NTRK2: variants seen among roughly 807,000 people sequenced by gnomAD.
The protein encoded by NTRK2 is neurotrophic receptor tyrosine kinase 2.
NTRK2 carries 13 observed loss-of-function variants against 94.5 expected under a neutral mutation model. That is an observed-to-expected ratio of 0.14 (90% CI 0.09 to 0.22). The LOEUF is 0.22. Among genes scored for constraint, NTRK2 ranks in the 10% least tolerant of loss-of-function variants. The pLI, the probability that NTRK2 is intolerant of heterozygous loss-of-function variation, is 1.00. For synonymous variants in NTRK2, 372 were observed against 407.4 expected (o/e 0.91, Z 1.05); for missense variants, 639 against 1,071.2 (o/e 0.60, Z 5.63).
chr9:84,916,644 CTT>C (rs2077401984), intron 14 of NTRK2, among the ~76,000 whole-genome samples: 1 of 152,190 alleles, frequency 6.6e-6, no homozygotes, highest in Admixed American at 6.5e-5. Context: ...CTGCTTATTT[CTT>C]GCCTTCCTTA....
intron 12 of NTRK2, among the ~76,000 whole-genome samples, chr9:84,801,052 T>G (rs550179967): frequency 1.3e-5 from 2 of 152,356 alleles, no homozygotes; most frequent in Admixed American, 1.3e-4. Flanking sequence ...GCTGCTGAGC[T>G]ACTGCAGGCA....
At chr9:84,978,333 A>C (rs1007920451) in intron 17 of NTRK2, among the ~76,000 whole-genome samples, 3 of 152,244 alleles carry the variant, frequency 2.0e-5, no homozygotes, top group Non-Finnish European at 4.4e-5. Context: ...AAAGCAAAAC[A>C]GCCTTCTTGC....
At chr9:84,679,421 C>A (rs1292730257) in intron 2 of NTRK2, among the ~76,000 whole-genome samples, 1 of 152,094 alleles carries the variant, frequency 6.6e-6, no homozygotes, top group Non-Finnish European at 1.5e-5. Context: ...TGTGGGCAGA[C>A]CATCATTGTT....
chr9:84,939,620 G>A (rs1481344150), intron 15 of NTRK2, among the ~76,000 whole-genome samples: 1 of 152,136 alleles, frequency 6.6e-6, no homozygotes, highest in Non-Finnish European at 1.5e-5. Flanking sequence ...GGATTCCTGA[G>A]GGAGTGTTTA....
intron 14 of NTRK2, among the ~76,000 whole-genome samples, chr9:84,924,291 GAAA>G (rs1282568538): frequency 2.8e-5 from 4 of 145,402 alleles, no homozygotes; most frequent in Non-Finnish European, 4.6e-5. Context: ...AAGAAAGAAA[GAAA>G]GAGGAAAAAA....
At chr9:84,825,229 A>T (rs1189686344) in intron 12 of NTRK2, among the ~76,000 whole-genome samples, 1 of 151,930 alleles carries the variant, frequency 6.6e-6, no homozygotes, top group East Asian at 1.9e-4. Context: ...GGCCCTTTGT[A>T]ATTGAGAGGG....
At chr9:84,809,847 A>G (rs2071554857) in intron 12 of NTRK2, among the ~76,000 whole-genome samples, 1 of 145,452 alleles carries the variant, frequency 6.9e-6, no homozygotes, top group African/African-American at 2.5e-5. Flanking sequence ...TCACCACTGC[A>G]CTCTGGCCTG....
intron 11 of NTRK2, among the ~76,000 whole-genome samples, chr9:84,747,600 C>T (rs932114739): frequency 2.6e-5 from 4 of 151,532 alleles, no homozygotes; most frequent in African/African-American, 9.7e-5. Flanking sequence ...GCCTCAGCCT[C>T]CCGAGTAGCT....
chr9:84,874,797 T>A (rs887078087), intron 14 of NTRK2: 11 of 1,058,298 alleles, frequency 1.0e-5, no homozygotes, highest in Non-Finnish European at 1.1e-5. Context: ...TTCCTGTCAG[T>A]GAGAGAATGC....
chr9:84,988,189 T>C (rs1444174675), intron 17 of NTRK2, among the ~76,000 whole-genome samples: 1 of 152,032 alleles, frequency 6.6e-6, no homozygotes, highest in African/African-American at 2.4e-5. Context: ...GACATGTGAG[T>C]ACAGTTCACC....
At chr9:84,990,710 C>G (rs927219121) in intron 17 of NTRK2, among the ~76,000 whole-genome samples, 1 of 152,124 alleles carries the variant, frequency 6.6e-6, no homozygotes, top group Admixed American at 6.5e-5. Flanking sequence ...ACATTACGTG[C>G]GCCAGCTCCT....
intron 12 of NTRK2, among the ~76,000 whole-genome samples, chr9:84,777,150 G>A (rs1244238091): frequency 6.6e-6 from 1 of 152,186 alleles, no homozygotes; most frequent in Non-Finnish European, 1.5e-5. Context: ...TACAGGAAAA[G>A]AGAAGTTATA....
intron 14 of NTRK2, among the ~76,000 whole-genome samples, chr9:84,900,390 C>G (rs1327122452): frequency 6.6e-6 from 1 of 152,192 alleles, no homozygotes; most frequent in Non-Finnish European, 1.5e-5. Context: ...TCCTGAGGCT[C>G]AGAGTGTGTG....
intron 17 of NTRK2, among the ~76,000 whole-genome samples, chr9:84,986,053 G>A (rs1163704526): frequency 1.3e-5 from 2 of 152,144 alleles, no homozygotes; most frequent in Non-Finnish European, 2.9e-5. Context: ...ACCTCTCAGA[G>A]TTTGAACAGT....
chr9:84,669,095 C>A (rs1490124472), upstream of NTRK2, among the ~76,000 whole-genome samples: 1 of 152,104 alleles, frequency 6.6e-6, no homozygotes, highest in African/African-American at 2.4e-5. The surrounding 1 kb of genome is among the most constrained non-coding windows in gnomAD (Gnocchi z 4.1). Flanking sequence ...CAACAGGAAG[C>A]CCCTCCAAAA....
At chr9:84,705,372 T>G (rs949424021) in intron 4 of NTRK2, among the ~76,000 whole-genome samples, 1 of 152,150 alleles carries the variant, frequency 6.6e-6, no homozygotes, top group Admixed American at 6.5e-5. Context: ...GCTAATTAGC[T>G]CCCTTGCAAA....
intron 12 of NTRK2, among the ~76,000 whole-genome samples, chr9:84,834,549 A>G (rs929136703): frequency 6.6e-6 from 1 of 152,110 alleles, no homozygotes; most frequent in Admixed American, 6.5e-5. Flanking sequence ...TGGAGCATCT[A>G]GGAACCCCTA....
chr9:84,705,782 C>CTTTT (rs36124860), intron 4 of NTRK2, among the ~76,000 whole-genome samples: 20 of 109,578 alleles, frequency 1.8e-4, no homozygotes, highest in South Asian at 3.2e-4. Context: ...GAAACCCATT[C>CTTTT]TTTTTTTTTT....
chr9:84,778,347 C>T (rs2067252229), intron 12 of NTRK2, among the ~76,000 whole-genome samples: 1 of 152,202 alleles, frequency 6.6e-6, no homozygotes, highest in Non-Finnish European at 1.5e-5. Context: ...TGGCCACCAG[C>T]TCAGCTTATT....
Sources: allele counts gnomAD v4.1 joint callset (sites outside exome capture counted in the v4.1 genomes callset), GRCh38; gene constraint gnomAD v4.1.1; non-coding constraint Gnocchi (gnomAD v3.1); transcripts MANE v1.5; gene names NCBI Gene and HGNC (gene_info 2026-07-23, HGNC 2026-07-21).